Variants in RAPGEF2 observed in about 807,000 individuals in gnomAD.
The protein encoded by RAPGEF2 is Rap guanine nucleotide exchange factor 2, also known as PDZ domain containing guanine nucleotide exchange factor (GEF) 1.
In RAPGEF2, 54 loss-of-function variants were observed where a neutral mutation model predicts 186.7. The ratio of observed to expected loss-of-function variants is 0.29; its 90% CI spans 0.23 to 0.36. RAPGEF2 has a LOEUF of 0.36. RAPGEF2 is among the 10% of genes least tolerant of loss of function. RAPGEF2 has a pLI of 1.00. For synonymous variants in RAPGEF2, 712 were observed against 705.9 expected (o/e 1.01, Z -0.14); for missense variants, 1,532 against 2,045.0 (o/e 0.75, Z 4.84).
At chr4:159,354,956 AC>A (rs1386358450) in intron 28 of RAPGEF2, among the ~76,000 whole-genome samples, 5 of 152,204 alleles carry the variant, frequency 3.3e-5, no homozygotes, top group African/African-American at 4.8e-5. Context: ...TACGGACATT[AC>A]TTTTATTAGT....
intron 10 of RAPGEF2, 67 bp from the exon 11 acceptor site, chr4:159,323,392 A>G: frequency 7.5e-7 from 1 of 1,327,888 alleles, no homozygotes; most frequent in Non-Finnish European, 1.0e-6. Flanking sequence ...TTTAGGGACC[A>G]TACTGGCACT....
intron 7 of RAPGEF2, among the ~76,000 whole-genome samples, chr4:159,263,475 C>T (rs1442060806): frequency 1.3e-5 from 2 of 152,144 alleles, no homozygotes; most frequent in Non-Finnish European, 2.9e-5. Flanking sequence ...CTTCTTTCTG[C>T]TATACCCACA....
chr4:159,238,898 T>C lies in RAPGEF2; in HGVS notation c.357+14T>C, dbSNP rs1275863662. The C allele has an allele frequency of 6.9e-6, 10 of 1,457,470 alleles. No homozygotes were observed. Among genetic ancestry groups the C allele is most frequent in the Admixed American group, 2.7e-5 (1 of 37,452 alleles). 90.3% of individuals were successfully genotyped at this position (1,457,470 alleles called of 1,614,324 possible). A position where few individuals can be genotyped will look rare whatever the true frequency, so the allele number is the denominator to read the frequency against. The stretch of plus-strand genomic sequence containing the variant: ...GAAATGATTGTGGTAAGAGTATTTC[T>C]GTGAGGACTATTTTTCCCCTAAAAA... On this transcript the variant is annotated intron_variant, in intron 5 of 29. Coordinates refer to ENST00000691494, the MANE Select transcript of RAPGEF2 (RefSeq NM_001394067.2).
chr4:159,219,157 C>T (rs2111396670), intron 4 of RAPGEF2, among the ~76,000 whole-genome samples: 1 of 152,132 alleles, frequency 6.6e-6, no homozygotes, highest in Non-Finnish European at 1.5e-5. Context: ...ACTTATTTAC[C>T]CTGCACCTAA....
At chr4:159,177,109 TA>T (rs1182071667) in intron 1 of RAPGEF2, among the ~76,000 whole-genome samples, 3 of 152,128 alleles carry the variant, frequency 2.0e-5, no homozygotes, top group Non-Finnish European at 4.4e-5. Flanking sequence ...ACAGATGTGA[TA>T]AAATATATGT....
chr4:159,330,100 CCTAT>C lies in RAPGEF2; in HGVS notation c.1302+93_1302+96del. The C allele has an allele frequency of 2.2e-6, 3 of 1,347,342 alleles. No individual in the cohort carries two copies. The East Asian group carries it at 7.1e-5, about 32-fold the overall frequency. The allele number at this position is 1,347,342 out of a possible 1,614,324, so 83.5% of individuals were successfully genotyped here. On this transcript the variant is annotated intron_variant, in intron 12 of 29. Coordinates refer to ENST00000691494, the MANE Select transcript of RAPGEF2 (RefSeq NM_001394067.2). ...TTTAGGATTTTTTTTCATTTTTAGG[CCTAT>C]CTCTTAAAGGTTATCAGTTGTGAAA...
intron 1 of RAPGEF2, among the ~76,000 whole-genome samples, chr4:159,141,284 C>T (rs933963976): frequency 6.6e-6 from 1 of 152,080 alleles, no homozygotes; most frequent in Non-Finnish European, 1.5e-5. Context: ...AACAAATGCC[C>T]AGACTGGGCA....
At position 159,296,069 on chromosome 4, in the gene RAPGEF2, G is replaced by A. The variant is rs10015688; in HGVS notation, c.544-8273G>A. ...AGATTTAATAACGAGGCCTGAATAT[G>A]TGATCTCAGAATTGCAATTACTGGA... On this transcript the variant is annotated intron_variant, in intron 7 of 29. Transcript: ENST00000691494. 8.1e-3 allele frequency among the ~76,000 whole-genome samples: 1,235 copies of A among 152,250 alleles called. 13 individuals are homozygous for A. Among genetic ancestry groups the A allele is most frequent in the African/African-American group, 0.028 (1,165 of 41,540 alleles).
chr4:159,140,557 C>T (rs1645943251), intron 1 of RAPGEF2, among the ~76,000 whole-genome samples: 1 of 152,086 alleles, frequency 6.6e-6, no homozygotes, highest in African/African-American at 2.4e-5. Context: ...TCAGGATTTG[C>T]CATGGGCTGC....
chr4:159,124,534 G>A (rs933536597), intron 1 of RAPGEF2, among the ~76,000 whole-genome samples: 9 of 151,986 alleles, frequency 5.9e-5, no homozygotes, highest in African/African-American at 9.7e-5. Context: ...GCTAGATACC[G>A]TCTAAAAGAG....
At chr4:159,195,565 G>A (rs996851154) in intron 3 of RAPGEF2, among the ~76,000 whole-genome samples, 10 of 152,156 alleles carry the variant, frequency 6.6e-5, no homozygotes, top group African/African-American at 2.4e-4. Flanking sequence ...GAAGCTTTGA[G>A]ACGATAAAGA....
intron 7 of RAPGEF2, among the ~76,000 whole-genome samples, chr4:159,265,561 A>G (rs1417293615): frequency 6.6e-6 from 1 of 152,226 alleles, no homozygotes; most frequent in Non-Finnish European, 1.5e-5. Flanking sequence ...TGGAAAATGT[A>G]TAAATCTTGC....
chr4:159,126,973 AGAG>A (rs1740385160), intron 1 of RAPGEF2, among the ~76,000 whole-genome samples: 1 of 152,296 alleles, frequency 6.6e-6, no homozygotes, highest in Admixed American at 6.5e-5. Context: ...GATTTTGTAA[AGAG>A]GTAACTGTGG....
chr4:159,169,972 A>AT (rs1325518841), intron 1 of RAPGEF2, among the ~76,000 whole-genome samples: 6 of 151,802 alleles, frequency 4.0e-5, no homozygotes, highest in East Asian at 1.9e-4. Flanking sequence ...CCTATTTTTA[A>AT]TTTTTTTGCA....
intron 2 of RAPGEF2, among the ~76,000 whole-genome samples, chr4:159,187,512 T>C (rs1747680928): frequency 6.6e-6 from 1 of 152,220 alleles, no homozygotes; most frequent in Admixed American, 6.5e-5. Context: ...ACTAGGTCCA[T>C]TATTTTAGTA....
intron 28 of RAPGEF2, among the ~76,000 whole-genome samples, chr4:159,355,430 G>A (rs1731827031): frequency 6.6e-6 from 1 of 152,168 alleles, no homozygotes; most frequent in African/African-American, 2.4e-5. Context: ...GATCCGGCAG[G>A]CAGAGAGGAA....
At chr4:159,258,630 A>C (rs1201268936) in intron 7 of RAPGEF2, among the ~76,000 whole-genome samples, 5 of 152,170 alleles carry the variant, frequency 3.3e-5, no homozygotes, top group Admixed American at 1.3e-4. Flanking sequence ...TAGATTTTTT[A>C]AAAATAAAAA....
intron 1 of RAPGEF2, among the ~76,000 whole-genome samples, chr4:159,127,908 C>T (rs543082743): frequency 6.6e-6 from 1 of 152,248 alleles, no homozygotes; most frequent in East Asian, 1.9e-4. Context: ...GATAGCAATT[C>T]AAATTTTACT....
Position 159,322,339 on chromosome 4 carries a change from C to T in RAPGEF2, c.854-8C>T, listed in dbSNP as rs749276805. 60 of 1,612,076 alleles carry T rather than the reference C, an allele frequency of 3.7e-5. No individual in the cohort carries two copies. The East Asian group carries it at 1.3e-3, about 36-fold the overall frequency. On this transcript the variant is annotated splice_polypyrimidine_tract_variant and splice_region_variant and intron_variant, in intron 9 of 29. Coordinates refer to ENST00000691494, the MANE Select transcript of RAPGEF2 (RefSeq NM_001394067.2). ...TAGTTTTTACAAAGTATGTCTTTTG[C>T]TTTTCAGAACAACTCTTGGAATTTA...
Sources: gnomAD v4.1 joint callset for allele counts (sites outside exome capture counted in the v4.1 genomes callset) on GRCh38, gnomAD v4.1.1 for gene constraint, MANE v1.5 for transcripts, NCBI Gene and HGNC (gene_info 2026-07-23, HGNC 2026-07-21) for gene names.